Variants in MPDZ observed in about 807,000 individuals in gnomAD.
MPDZ encodes multiple PDZ domain protein.
MPDZ carries 234 observed loss-of-function variants against 239.1 expected under a neutral mutation model. The ratio of observed to expected loss-of-function variants is 0.98; its 90% CI spans 0.88 to 1.09. The LOEUF is 1.09. Ranked by LOEUF, MPDZ falls within the 50% of genes least tolerant of loss-of-function variation. The pLI is 0.00. For missense variants in MPDZ, 3,175 were observed against 2,510.0 expected, an observed-to-expected ratio of 1.26 and a Z score of -5.66; for synonymous variants, 1,048 against 881.3, an observed-to-expected ratio of 1.19 and a Z score of -3.35.
At chr9:13,262,560 A>C (rs531463535) in intron 1 of MPDZ, among the ~76,000 whole-genome samples, 32 of 152,276 alleles carry the variant, frequency 2.1e-4, no homozygotes, top group African/African-American at 7.7e-4. Flanking sequence ...TTAAAACTTT[A>C]ATGTACCACT....
At position 13,206,014 on chromosome 9, in the gene MPDZ, A is replaced by T; in HGVS notation, c.1376T>A (p.Leu459Gln). The T allele has an allele frequency of 6.2e-7, 1 of 1,612,660 alleles. No homozygotes were observed. Among genetic ancestry groups the T allele is most frequent in the Non-Finnish European group, 8.5e-7 (1 of 1,179,496 alleles). The change falls in exon 11 of 47, where the codon CTA (leucine) becomes CAA (glutamine). Residue 459 changes from leucine (L) to glutamine (Q), a missense_variant. Coordinates refer to ENST00000319217, the MANE Select transcript of MPDZ (RefSeq NM_001378778.1). ...RHTGQTVLLTLMRRGMKQEAE... is the reference protein window; with the variant it reads ...RHTGQTVLLTQMRRGMKQEAE... ...TTCCTGCTTCATTCCTCTCCTCATT[A>T]GTGTCAGGAGCACAGTTTGTCCTGT...
intron 1 of MPDZ, among the ~76,000 whole-genome samples, chr9:13,278,420 G>A (rs896515213): frequency 1.1e-4 from 17 of 151,902 alleles, no homozygotes; most frequent in Non-Finnish European, 2.4e-4. Flanking sequence ...ACCTCCCGCC[G>A]GCGCCTGGCC....
At chr9:13,180,383 A>G (rs570938199) in intron 19 of MPDZ, among the ~76,000 whole-genome samples, 38 of 152,190 alleles carry the variant, frequency 2.5e-4, no homozygotes, top group Non-Finnish European at 4.7e-4. Flanking sequence ...CTGATATTCA[A>G]GAACGAAGGA....
rs148717182 is a variant in MPDZ, at chr9:13,126,107, G to C, written c.4632+409C>G. ...TTGAGGAGAGGGAACTCAAGTACAA[G>C]ATATGTTTAACCCTAATAAAAATTA... is the stretch of plus-strand genomic sequence containing the variant. On this transcript the variant is annotated intron_variant, in intron 34 of 46. Coordinates refer to ENST00000319217, the MANE Select transcript of MPDZ (RefSeq NM_001378778.1). Among the ~76,000 whole-genome samples the C allele has an allele frequency of 8.0e-3, 1,217 of 152,234 alleles. 17 individuals are homozygous for C. Among genetic ancestry groups the C allele is most frequent in the African/African-American group, 0.027 (1,136 of 41,562 alleles).
intron 8 of MPDZ, among the ~76,000 whole-genome samples, chr9:13,219,237 G>A (rs565344548): frequency 6.6e-5 from 10 of 151,936 alleles, no homozygotes; most frequent in African/African-American, 2.2e-4. Flanking sequence ...GAAAAAGACA[G>A]AATTAAACAT....
chr9:13,182,415 C>T (rs7037618), intron 19 of MPDZ, among the ~76,000 whole-genome samples: 49,131 of 151,858 alleles, frequency 0.32, 8,567 homozygotes, highest in East Asian at 0.47. Flanking sequence ...AGCTAAATTC[C>T]CATACTTCCT....
At chr9:13,167,220 G>A (rs950214925) in intron 22 of MPDZ, among the ~76,000 whole-genome samples, 2 of 151,908 alleles carry the variant, frequency 1.3e-5, no homozygotes, top group Admixed American at 1.3e-4. Context: ...TATGATAAAA[G>A]GACTGACATT....
intron 27 of MPDZ, among the ~76,000 whole-genome samples, chr9:13,142,527 T>C (rs901167714): frequency 6.6e-6 from 1 of 152,104 alleles, no homozygotes; most frequent in Non-Finnish European, 1.5e-5. Context: ...ATGCAGTGTA[T>C]ACTTGAGATC....
chr9:13,227,066 T>A (rs184812248), intron 3 of MPDZ, among the ~76,000 whole-genome samples: 101 of 152,202 alleles, frequency 6.6e-4, no homozygotes, highest in African/African-American at 2.4e-3. Context: ...ATTTGAGATA[T>A]CATTTAAAAT....
chr9:13,232,684 T>G (rs1443888907), intron 3 of MPDZ, among the ~76,000 whole-genome samples: 6 of 151,522 alleles, frequency 4.0e-5, no homozygotes, highest in African/African-American at 1.2e-4. Flanking sequence ...TTAAAATTTG[T>G]TTTTAAAATA....
At chr9:13,198,695 C>T (rs1009204496) in intron 12 of MPDZ, among the ~76,000 whole-genome samples, 3 of 135,668 alleles carry the variant, frequency 2.2e-5, no homozygotes, top group East Asian at 2.2e-4. Context: ...ATTTTCCTAA[C>T]GTTTCCTTCA....
At chr9:13,176,871 A>C (rs1952570200) in intron 19 of MPDZ, among the ~76,000 whole-genome samples, 1 of 152,206 alleles carries the variant, frequency 6.6e-6, no homozygotes, top group South Asian at 2.1e-4. Flanking sequence ...TGGACTCATA[A>C]GGGCCTCCAA....
intron 28 of MPDZ, chr9:13,139,755 A>G: frequency 1.9e-6 from 1 of 514,654 alleles, no homozygotes; most frequent in South Asian, 1.9e-5. Context: ...ATTCTCATAC[A>G]AAAGGCAGAG....
At chr9:13,170,178 C>G (rs1423011897) in intron 21 of MPDZ, among the ~76,000 whole-genome samples, 2 of 152,024 alleles carry the variant, frequency 1.3e-5, no homozygotes, top group Non-Finnish European at 2.9e-5. Context: ...TGACAGATGT[C>G]ACAAATTCCT....
intron 1 of MPDZ, among the ~76,000 whole-genome samples, chr9:13,251,882 G>A (rs1314417658): frequency 6.6e-6 from 1 of 152,180 alleles, no homozygotes; most frequent in African/African-American, 2.4e-5. Context: ...GTCAAGAAAA[G>A]AGGACACTGG....
chr9:13,227,971 C>A (rs181979463), intron 3 of MPDZ, among the ~76,000 whole-genome samples: 25 of 152,198 alleles, frequency 1.6e-4, no homozygotes, highest in African/African-American at 6.0e-4. Flanking sequence ...ATTAAAATGG[C>A]TTTCTGAACT....
chr9:13,137,188 C>G (rs1946949108), intron 29 of MPDZ, among the ~76,000 whole-genome samples: 2 of 152,050 alleles, frequency 1.3e-5, no homozygotes, highest in African/African-American at 4.8e-5. Context: ...TCCTTACTGT[C>G]ATATTTCCCA....
intron 1 of MPDZ, among the ~76,000 whole-genome samples, chr9:13,255,177 T>TC (rs1234973094): frequency 7.2e-5 from 11 of 152,194 alleles, no homozygotes; most frequent in African/African-American, 2.7e-4. Flanking sequence ...AAAAAGCAAC[T>TC]CCTCATTCAT....
intron 1 of MPDZ, among the ~76,000 whole-genome samples, chr9:13,251,697 G>A (rs1564134671): frequency 6.6e-6 from 1 of 152,220 alleles, no homozygotes; most frequent in Non-Finnish European, 1.5e-5. Context: ...AGTATGTGAT[G>A]TAGATGAGCA....
Sources: allele counts gnomAD v4.1 joint callset (sites outside exome capture counted in the v4.1 genomes callset), GRCh38; gene constraint gnomAD v4.1.1; transcripts MANE v1.5; gene names NCBI Gene and HGNC (gene_info 2026-07-23, HGNC 2026-07-21).